SLC35B2: variants seen among roughly 807,000 people sequenced by gnomAD.
SLC35B2 encodes solute carrier family 35 member B2.
SLC35B2 carries 19 observed loss-of-function variants against 37.9 expected under a neutral mutation model. That is an observed-to-expected ratio of 0.50 (90% CI 0.35 to 0.74). The LOEUF is 0.74. Ranked by LOEUF, SLC35B2 falls within the 30% of genes least tolerant of loss-of-function variation. The probability of loss-of-function intolerance (pLI) is 0.01; values close to 1 mark genes in which losing one functional copy is unlikely to be tolerated. For synonymous variants in SLC35B2, 277 were observed against 225.2 expected (o/e 1.23, Z -2.06); for missense variants, 633 against 547.6 (o/e 1.16, Z -1.56).
Position 44,254,920 on chromosome 6 carries a change from A to T in SLC35B2, c.1085T>A (p.Phe362Tyr), listed in dbSNP as rs1561907361. Reference protein sequence around the residue: ...QLFIFYTIGQFGAAVFTIIMT... With the variant: ...QLFIFYTIGQYGAAVFTIIMT... The stretch of plus-strand genomic sequence containing the variant: ...GATGATGGTGAAGACGGCAGCCCCA[A>T]ACTGCCCAATGGTGTAAAAGATGAA... The change falls in exon 4 of 4, where the codon TTT becomes TAT. Residue 362 changes from phenylalanine (F) to tyrosine (Y), a missense_variant. Physicochemically the swap from Phe to Tyr is conservative, Grantham distance 22 (BLOSUM62 3). Transcript: ENST00000393812. The T allele has an allele frequency of 1.2e-6, 2 of 1,614,190 alleles. No individual in the cohort carries two copies. The highest frequency in any genetic ancestry group is 2.2e-5 in the South Asian group (2 of 91,080).
intron 3 of SLC35B2, among the ~76,000 whole-genome samples, chr6:44,256,008 G>C (rs886871834): frequency 6.6e-6 from 1 of 152,206 alleles, no homozygotes; most frequent in African/African-American, 2.4e-5. Flanking sequence ...TTATCAGTGG[G>C]TTTACAGTAT....
chr6:44,254,473 C>G lies in SLC35B2; in HGVS notation c.*233G>C. ...ACCCCAAACTCCCCAAAACCCCTCA[C>G]TGAGGACTGTCTACCCCCGGGGCTC... On this transcript the variant is annotated 3_prime_UTR_variant, in exon 4 of 4. Transcript: ENST00000393812. 2 of 533,264 alleles carry G rather than the reference C, an allele frequency of 3.8e-6. No individual in the cohort carries two copies. The highest frequency in any genetic ancestry group is 6.6e-6 in the Non-Finnish European group (2 of 301,942). The allele number at this position is 533,264 out of a possible 1,614,324, so 33.0% of individuals were successfully genotyped here. A position where few individuals can be genotyped will look rare whatever the true frequency, so the allele number is the denominator to read the frequency against.
chr6:44,256,434 C>T lies in SLC35B2; in HGVS notation c.268G>A (p.Asp90Asn). ...GTTCGGGGCGCCAGGGGAACCTCATCAGAGGCCTTGGGCTCATTGCCAAAC... is the reference window on the plus strand; with the variant it reads ...GTTCGGGGCGCCAGGGGAACCTCATTAGAGGCCTTGGGCTCATTGCCAAAC... The part of the protein sequence containing the change: ...CVFGNEPKAS[D>N]EVPLAPRTEA... The change falls in exon 3 of 4, where the codon GAT becomes AAT. Residue 90 changes from aspartate (D) to asparagine (N), a missense_variant. Asp to Asn is a conservative substitution (Grantham distance 23). Transcript: ENST00000393812. 3 of 1,614,230 alleles carry T rather than the reference C, an allele frequency of 1.9e-6. No homozygotes were observed. Among genetic ancestry groups the T allele is most frequent in the African/African-American group, 1.3e-5 (1 of 75,062 alleles).
rs1448172174 is a variant in SLC35B2 at position 44,254,598 on chromosome 6, G to A, written c.*108C>T. ...TGCTGCAGAGCTGGTCTGTGATACT[G>A]AGAAAACACCTGCATTTTGCCCTTT... On this transcript the variant is annotated 3_prime_UTR_variant, in exon 4 of 4. Coordinates refer to ENST00000393812, the MANE Select transcript of SLC35B2 (RefSeq NM_178148.4). 17 of 1,280,180 alleles carry A rather than the reference G, an allele frequency of 1.3e-5. No homozygotes were observed. The highest frequency in any genetic ancestry group is 1.6e-5 in the Non-Finnish European group (15 of 929,816). 79.3% of individuals were successfully genotyped at this position (1,280,180 alleles called of 1,614,324 possible). A position where few individuals can be genotyped will look rare whatever the true frequency, so the allele number is the denominator to read the frequency against.
chr6:44,255,263 TGGA>T lies in SLC35B2; in HGVS notation c.739_741del (p.Ser247del), dbSNP rs1264106308. ...GATAGCAGAAACATGCTGACCCCAATGGAGATGAGGGTGGCTGTCAGGTACTCC... is the reference window on the plus strand; with the variant it reads ...GATAGCAGAAACATGCTGACCCCAATGATGAGGGTGGCTGTCAGGTACTCC... On this transcript the variant is annotated inframe_deletion, in exon 4 of 4. Transcript: ENST00000393812. The T allele has an allele frequency of 3.1e-6, 5 of 1,613,908 alleles. No homozygotes were observed. Among genetic ancestry groups the T allele is most frequent in the African/African-American group, 2.7e-5 (2 of 74,846 alleles).
Position 44,255,429 on chromosome 6 carries a change from G to C in SLC35B2, c.576C>G (p.Ser192=), listed in dbSNP as rs1781316551. Residue 192 remains serine, a synonymous_variant, in exon 4 of 4, where the codon TCC becomes TCG. Coordinates refer to ENST00000393812, the MANE Select transcript of SLC35B2 (RefSeq NM_178148.4). The stretch of plus-strand genomic sequence containing the variant: ...ATTGGCACCAGCTGCTAAGCACATT[G>C]GACAGGCTGGCAAAGGAGTACCGGT... ...PMYRYSFASL[S]NVLSSWCQYE... 1.9e-6 allele frequency: 3 copies of C among 1,614,124 alleles called. No homozygotes were observed. Among genetic ancestry groups the C allele is most frequent in the South Asian group, 1.1e-5 (1 of 91,086 alleles).
At chr6:44,256,929 G>C (rs748168858) in intron 1 of SLC35B2, 51 bp from the exon 2 acceptor site, 19 of 1,546,472 alleles carry the variant, frequency 1.2e-5, no homozygotes, top group Non-Finnish European at 1.7e-5. Flanking sequence ...CATCCCCTCC[G>C]CCCTCCAGAG....
rs763046871 is a variant in SLC35B2, at chr6:44,254,960, C to A, written c.1045G>T (p.Ala349Ser). The A allele has an allele frequency of 1.9e-6, 3 of 1,614,210 alleles. No homozygotes were observed. Among genetic ancestry groups the A allele is most frequent in the East Asian group, 4.5e-5 (2 of 44,878 alleles). The stretch of plus-strand genomic sequence containing the variant: ...TAAAAGATGAAGAGCTGGCCACATG[C>A]GGAGCAGATGGAGAGTAGCAGGGCA... Reference protein sequence around the residue: ...AHALLLSICSACGQLFIFYTI... With the variant: ...AHALLLSICSSCGQLFIFYTI... The change falls in exon 4 of 4, where the codon GCA (alanine) becomes TCA (serine). Residue 349 changes from alanine to serine, a missense_variant. Transcript: ENST00000393812.
Position 44,257,444 on chromosome 6 carries a change from G to C in SLC35B2, c.-34C>G, listed in dbSNP as rs1255165033. ...CCGCGTGGGGTGGAGGGGGAACCGG[G>C]GAATGCGAGTCCCCGGGCCGCGCGC... On this transcript the variant is annotated 5_prime_UTR_variant, in exon 1 of 4. Coordinates refer to ENST00000393812, the MANE Select transcript of SLC35B2 (RefSeq NM_178148.4). 9.6e-6 allele frequency: 12 copies of C among 1,250,866 alleles called. No individual in the cohort carries two copies. The highest frequency in any genetic ancestry group is 1.2e-5 in the Non-Finnish European group (12 of 990,574). The allele number at this position is 1,250,866 out of a possible 1,614,324, so 77.5% of individuals were successfully genotyped here.
chr6:44,254,772 C>T lies in SLC35B2; in HGVS notation c.1233G>A (p.Ala411=), dbSNP rs372657328. ...VFAALLLRVY[A]RGRLKQRGKK... ...TTCCCCGTTGCTTTAGACGGCCCCGCGCGTAGACTCTGAGCAGGAGGGCAG... is the reference window on the plus strand; with the variant it reads ...TTCCCCGTTGCTTTAGACGGCCCCGTGCGTAGACTCTGAGCAGGAGGGCAG... The change falls in exon 4 of 4, where the codon GCG becomes GCA. Residue 411 remains alanine, a synonymous_variant. Coordinates refer to ENST00000393812, the MANE Select transcript of SLC35B2 (RefSeq NM_178148.4). The T allele has an allele frequency of 2.4e-5, 39 of 1,614,074 alleles. No individual in the cohort carries two copies. In the East Asian group the frequency reaches 3.1e-4, roughly 13 times the overall value.
At position 44,255,190 on chromosome 6, in the gene SLC35B2, A is replaced by G; in HGVS notation, c.815T>C (p.Leu272Pro). 6.2e-7 allele frequency: 1 copy of G among 1,614,238 alleles called. No homozygotes were observed. Among genetic ancestry groups the G allele is most frequent in the Non-Finnish European group, 8.5e-7 (1 of 1,180,034 alleles). ...AGCAATATAACCTGCCAGTAAGATG[A>G]GGCCTGAGAGTGTGGTGGCTGGGGA... Reference protein sequence around the residue: ...RSSPATTLSGLILLAGYIAFD... With the variant: ...RSSPATTLSGPILLAGYIAFD... Residue 272 changes from leucine to proline, a missense_variant, in exon 4 of 4, where the codon CTC becomes CCC. By Grantham distance (98) the Leu-to-Pro change is moderately conservative (BLOSUM62 -3). Coordinates refer to ENST00000393812, the MANE Select transcript of SLC35B2 (RefSeq NM_178148.4).
At position 44,256,739 on chromosome 6, in the gene SLC35B2, C is replaced by T. The variant is rs779563849; in HGVS notation, c.151G>A (p.Val51Ile). Residue 51 changes from valine (V) to isoleucine (I), a missense_variant, in exon 2 of 4, where the codon GTA becomes ATA. Transcript: ENST00000393812. ...TACTGCACCAGGAGGTAGCCAGGTA[C>T]CATAAAGCTGGCATAGCCAGCAGCA... ...VNAAGYASFM[V>I]PGYLLVQYFR... 1 of 1,614,186 alleles carries T rather than the reference C, an allele frequency of 6.2e-7. No individual in the cohort carries two copies. The highest frequency in any genetic ancestry group is 8.5e-7 in the Non-Finnish European group (1 of 1,180,026).
At position 44,254,779 on chromosome 6, in the gene SLC35B2, A is replaced by C; in HGVS notation, c.1226T>G (p.Val409Gly). 5.6e-6 allele frequency: 9 copies of C among 1,613,756 alleles called. No homozygotes were observed. Among genetic ancestry groups the C allele is most frequent in the Non-Finnish European group, 7.6e-6 (9 of 1,179,926 alleles). Reference protein sequence around the residue: ...AVVFAALLLRVYARGRLKQRG... With the variant: ...AVVFAALLLRGYARGRLKQRG... ...TTGCTTTAGACGGCCCCGCGCGTAG[A>C]CTCTGAGCAGGAGGGCAGCAAAGAC... Residue 409 changes from valine to glycine, a missense_variant, in exon 4 of 4, where the codon GTC becomes GGC. Transcript: ENST00000393812.
chr6:44,256,568 T>G (rs1211357180), intron 2 of SLC35B2, 72 bp from the exon 3 acceptor site: 1 of 1,612,444 alleles, frequency 6.2e-7, no homozygotes, highest in East Asian at 2.2e-5. Flanking sequence ...GCAGCCAGCC[T>G]GCCCTGCTGT....
Position 44,255,227 on chromosome 6 carries a change from C to T in SLC35B2, c.778G>A (p.Glu260Lys), listed in dbSNP as rs1023955828. ...VSMFLLSSGP[E>K]PRSSPATTLS... ...GTGGTGGCTGGGGAGCTGCGGGGCT[C>T]TGGTCCGCTGGATAGCAGAAACATG... is the stretch of plus-strand genomic sequence containing the variant. Residue 260 changes from glutamate to lysine, a missense_variant, in exon 4 of 4, where the codon GAG becomes AAG. By Grantham distance (56) the Glu-to-Lys change is moderately conservative (BLOSUM62 1). Transcript: ENST00000393812. The T allele has an allele frequency of 6.2e-7, 1 of 1,614,226 alleles. No homozygotes were observed.
At chr6:44,256,919 C>T (rs1781576249) in intron 1 of SLC35B2, 41 bp from the exon 2 acceptor site, 2 of 1,560,306 alleles carry the variant, frequency 1.3e-6, no homozygotes, top group East Asian at 4.5e-5. Context: ...CGCAGCTCCT[C>T]ATCCCCTCCG....
In SLC35B2 at chr6:44,254,600, G is replaced by C. The variant is rs1781161756; in HGVS notation, c.*106C>G. The stretch of plus-strand genomic sequence containing the variant: ...CTGCAGAGCTGGTCTGTGATACTGA[G>C]AAAACACCTGCATTTTGCCCTTTCA... On this transcript the variant is annotated 3_prime_UTR_variant, in exon 4 of 4. Coordinates refer to ENST00000393812, the MANE Select transcript of SLC35B2 (RefSeq NM_178148.4). 5 of 1,296,880 alleles carry C rather than the reference G, an allele frequency of 3.9e-6. No homozygotes were observed. The highest frequency in any genetic ancestry group is 1.4e-5 in the South Asian group (1 of 70,348). The allele number at this position is 1,296,880 out of a possible 1,614,324, so 80.3% of individuals were successfully genotyped here. A position where few individuals can be genotyped will look rare whatever the true frequency, so the allele number is the denominator to read the frequency against.
At chr6:44,257,043 G>T (rs1781606471) in intron 1 of SLC35B2, 165 bp from the exon 2 acceptor site, 3 of 811,642 alleles carry the variant, frequency 3.7e-6, no homozygotes, top group Non-Finnish European at 5.5e-6. Context: ...CGGGGAGGGG[G>T]TGCGCCGGCG....
chr6:44,257,340 G>A (rs901380024), intron 1 of SLC35B2, 60 bp downstream of exon 1: 1 of 1,322,736 alleles, frequency 7.6e-7, no homozygotes, highest in Non-Finnish European at 9.7e-7. Flanking sequence ...GTGCTGAGGC[G>A]CGGCAGTCAC....
Sources: allele counts gnomAD v4.1 joint callset (sites outside exome capture counted in the v4.1 genomes callset), GRCh38; gene constraint gnomAD v4.1.1; transcripts MANE v1.5; gene names NCBI Gene and HGNC (gene_info 2026-07-23, HGNC 2026-07-21).